Variants in SULF1 observed in about 807,000 individuals in gnomAD.
The protein encoded by SULF1 is extracellular sulfatase Sulf-1.
SULF1 carries 46 observed loss-of-function variants against 110.5 expected under a neutral mutation model. The ratio of observed to expected loss-of-function variants is 0.42; its 90% confidence interval spans 0.33 to 0.53. The LOEUF is 0.53. Among genes scored for constraint, SULF1 ranks in the 20% least tolerant of loss-of-function variants. SULF1 has a pLI of 0.12. For missense variants in SULF1, 941 were observed against 1,094.2 expected (o/e 0.86, Z 1.98); for synonymous variants, 371 against 387.1 (o/e 0.96, Z 0.49).
intron 5 of SULF1, among the ~76,000 whole-genome samples, chr8:69,570,451 T>A (rs1048138118): frequency 1.3e-5 from 2 of 152,238 alleles, no homozygotes; most frequent in African/African-American, 4.8e-5. Context: ...AGTTTAAACA[T>A]GTCAATGAAG....
intron 8 of SULF1, among the ~76,000 whole-genome samples, chr8:69,589,455 G>A (rs1053984596): frequency 3.3e-5 from 5 of 152,184 alleles, no homozygotes; most frequent in East Asian, 1.9e-4. Context: ...AATAATATTC[G>A]TGTGTCTGAT....
At chr8:69,635,427 T>G (rs1163172510) in intron 19 of SULF1, among the ~76,000 whole-genome samples, 1 of 152,250 alleles carries the variant, frequency 6.6e-6, no homozygotes, top group Non-Finnish European at 1.5e-5. Context: ...GAATGCTCTG[T>G]ACTTTTCCCT....
intron 1 of SULF1, among the ~76,000 whole-genome samples, chr8:69,493,442 CAA>C (rs1491148750): frequency 7.0e-6 from 1 of 142,180 alleles, no homozygotes; most frequent in African/African-American, 2.8e-5. Context: ...CACACACACA[CAA>C]CACTACACAC....
In SULF1 at chr8:69,497,879, T is replaced by C. The variant is rs537567362; in HGVS notation, c.-229+1953T>C. ...CCAAACCAAACTCTTAAAGTACAGC[T>C]GTTAAACTATCAAGCTTAACTTCTC... On this transcript the variant is annotated intron_variant, in intron 2 of 22. Coordinates refer to ENST00000402687, the MANE Select transcript of SULF1 (RefSeq NM_001128205.2). Among the ~76,000 whole-genome samples the C allele has an allele frequency of 4.6e-5, 7 of 152,320 alleles. No individual in the cohort carries two copies. In the East Asian group the frequency reaches 1.4e-3, roughly 29 times the overall value.
intron 3 of SULF1, among the ~76,000 whole-genome samples, chr8:69,552,995 CTGA>C (rs1814840113): frequency 6.6e-6 from 1 of 152,212 alleles, no homozygotes; most frequent in South Asian, 2.1e-4. Flanking sequence ...ACACTATTCA[CTGA>C]TGAGTGAGAG....
intron 1 of SULF1, among the ~76,000 whole-genome samples, chr8:69,484,825 C>CTCTTCTTCTTCTTCT (rs72313235): frequency 0.031 from 4,562 of 148,906 alleles, 83 homozygotes; most frequent in African/African-American, 0.05. Flanking sequence ...TTTCATCTTC[C>CTCTTCTTCTTCTTCT]TCTTCTTCTT....
intron 3 of SULF1, among the ~76,000 whole-genome samples, chr8:69,504,674 C>T (rs529502973): frequency 7.9e-5 from 12 of 152,054 alleles, no homozygotes; most frequent in Non-Finnish European, 1.3e-4. Context: ...GACCTGGCTT[C>T]AATCTACTTT....
rs139698278 is a variant in SULF1 at position 69,575,338 on chromosome 8, T to C, written c.173-632T>C. Among the ~76,000 whole-genome samples, 146 of 152,330 alleles carry C rather than the reference T, an allele frequency of 9.6e-4. 1 individual carries two copies. Among genetic ancestry groups the C allele is most frequent in the African/African-American group, 3.4e-3 (141 of 41,580 alleles). Reference sequence around the variant, plus strand: ...CTTTCACAAGCAAACAGCCTATCTTTAAAAAATTGTGCATAAATAGGTCAA... The same window carrying C: ...CTTTCACAAGCAAACAGCCTATCTTCAAAAAATTGTGCATAAATAGGTCAA... On this transcript the variant is annotated intron_variant, in intron 5 of 22. Coordinates refer to ENST00000402687, the MANE Select transcript of SULF1 (RefSeq NM_001128205.2).
intron 3 of SULF1, among the ~76,000 whole-genome samples, chr8:69,548,875 G>T (rs1248249690): frequency 6.6e-6 from 1 of 152,122 alleles, no homozygotes; most frequent in Non-Finnish European, 1.5e-5. Context: ...GTTTGAAAGT[G>T]CATATGTTAG....
chr8:69,553,028 G>C (rs1814842202), intron 3 of SULF1, among the ~76,000 whole-genome samples: 2 of 152,192 alleles, frequency 1.3e-5, no homozygotes, highest in Non-Finnish European at 2.9e-5. Flanking sequence ...ATTAAAGGTT[G>C]ATGGAGGTGA....
intron 22 of SULF1, among the ~76,000 whole-genome samples, chr8:69,649,331 C>T (rs992316603): frequency 6.6e-6 from 1 of 152,076 alleles, no homozygotes; most frequent in Admixed American, 6.6e-5. Flanking sequence ...AACATCATTC[C>T]CCTTTATATA....
chr8:69,511,299 G>A (rs1405682139), intron 3 of SULF1, among the ~76,000 whole-genome samples: 1 of 152,014 alleles, frequency 6.6e-6, no homozygotes, highest in African/African-American at 2.4e-5. Context: ...TTTACCCTTT[G>A]GTTCAGATTT....
At chr8:69,468,402 T>A (rs535046305) in intron 1 of SULF1, among the ~76,000 whole-genome samples, 5 of 152,350 alleles carry the variant, frequency 3.3e-5, no homozygotes, top group Non-Finnish European at 7.3e-5. Context: ...ATAATTTTTT[T>A]AAAATCCTTT....
At chr8:69,548,662 T>C (rs1264736146) in intron 3 of SULF1, among the ~76,000 whole-genome samples, 10 of 146,340 alleles carry the variant, frequency 6.8e-5, no homozygotes, top group Non-Finnish European at 1.2e-4. Context: ...GGTTTCACCA[T>C]GTTGGCCAGG....
chr8:69,642,428 C>A, intron 22 of SULF1: 1 of 985,196 alleles, frequency 1.0e-6, no homozygotes, highest in African/African-American at 1.7e-5. Flanking sequence ...TCTATTTTCT[C>A]TTGTTCTTCA....
chr8:69,614,042 A>G (rs1179966556), intron 13 of SULF1, among the ~76,000 whole-genome samples: 1 of 152,174 alleles, frequency 6.6e-6, no homozygotes, highest in Non-Finnish European at 1.5e-5. Flanking sequence ...CTCTTATCAA[A>G]TACACATTAG....
At chr8:69,620,722 T>C (rs1319247844) in intron 13 of SULF1, among the ~76,000 whole-genome samples, 1 of 152,160 alleles carries the variant, frequency 6.6e-6, no homozygotes, top group Non-Finnish European at 1.5e-5. Flanking sequence ...ACTAACGGCT[T>C]TTACGTGTTT....
chr8:69,550,588 GC>G (rs969787317), intron 3 of SULF1, among the ~76,000 whole-genome samples: 6 of 152,076 alleles, frequency 3.9e-5, no homozygotes, highest in African/African-American at 1.2e-4. Context: ...GGAAAAGGGA[GC>G]AAAAAGAGAG....
chr8:69,505,577 T>C (rs1811129910), intron 3 of SULF1, among the ~76,000 whole-genome samples: 1 of 152,126 alleles, frequency 6.6e-6, no homozygotes, highest in Admixed American at 6.6e-5. Context: ...AATCTAAATG[T>C]AGGTGGTTTT....
Sources: allele counts gnomAD v4.1 joint callset (sites outside exome capture counted in the v4.1 genomes callset), GRCh38; gene constraint gnomAD v4.1.1; transcripts MANE v1.5; gene names NCBI Gene and HGNC (gene_info 2026-07-23, HGNC 2026-07-21).